PPFIBP1: variants seen among roughly 807,000 people sequenced by gnomAD.
The protein encoded by PPFIBP1 is liprin-beta-1.
A neutral mutation model predicts 137.8 loss-of-function variants in PPFIBP1; 112 were observed. The observed-to-expected ratio is 0.81, with a 90% confidence interval of 0.70 to 0.95. PPFIBP1 has a LOEUF of 0.95. Ranked by LOEUF, PPFIBP1 falls within the 40% of genes least tolerant of loss-of-function variation. The pLI is 0.00. For missense variants in PPFIBP1, 1,083 were observed against 1,196.6 expected (o/e 0.91, Z 1.40); for synonymous variants, 378 against 417.3 (o/e 0.91, Z 1.15).
chr12:27,661,706 A>T (rs908950290), intron 11 of PPFIBP1, among the ~76,000 whole-genome samples: 1 of 152,226 alleles, frequency 6.6e-6, no homozygotes, highest in Admixed American at 6.5e-5. Flanking sequence ...CATTTCAAGG[A>T]AGTAAAAAAC....
chr12:27,661,080 C>T (rs2059516161), intron 11 of PPFIBP1, 135 bp downstream of exon 11: 1 of 1,332,772 alleles, frequency 7.5e-7, no homozygotes. Flanking sequence ...CAGGTGTGCA[C>T]ACTCCCAGGT....
In PPFIBP1 at chr12:27,676,510, C is replaced by G. The variant is rs761746540; in HGVS notation, c.1493C>G (p.Pro498Arg). Residue 498 changes from proline (P) to arginine (R), a missense_variant, in exon 18 of 30, where the codon CCC becomes CGC. Pro to Arg is a moderately radical substitution (Grantham distance 103, BLOSUM62 -2). Transcript: ENST00000228425. ...PGQDTSMDDN[P>R]FGTRKVRSSF... Reference sequence around the variant, plus strand: ...CAGGACACCTCCATGGATGACAACCCCTTCGGCACTCGAAAAGTCAGATCT... The same window carrying G: ...CAGGACACCTCCATGGATGACAACCGCTTCGGCACTCGAAAAGTCAGATCT... The G allele has an allele frequency of 5.6e-6, 9 of 1,609,946 alleles. No homozygotes were observed. The highest frequency in any genetic ancestry group is 3.4e-5 in the Admixed American group (2 of 59,356).
chr12:27,673,494 T>C lies in PPFIBP1; in HGVS notation c.1320-273T>C, dbSNP rs74077231. 1.6e-3 allele frequency among the ~76,000 whole-genome samples: 243 copies of C among 152,322 alleles called. 2 individuals are homozygous for C. Among genetic ancestry groups the C allele is most frequent in the African/African-American group, 5.4e-3 (223 of 41,564 alleles). Reference sequence around the variant, plus strand: ...GAAAACACTGCTTTATTTTCGAATATTGACATCACAAGGCTAGTCCTAAGT... The same window carrying C: ...GAAAACACTGCTTTATTTTCGAATACTGACATCACAAGGCTAGTCCTAAGT... On this transcript the variant is annotated intron_variant, in intron 15 of 29. Transcript: ENST00000228425.
At chr12:27,659,696 C>A (rs2059426462) in intron 10 of PPFIBP1, among the ~76,000 whole-genome samples, 1 of 152,072 alleles carries the variant, frequency 6.6e-6, no homozygotes, top group African/African-American at 2.4e-5. Flanking sequence ...GGGGCTCTTT[C>A]CCCCAGATGT....
At chr12:27,625,201 G>A (rs1229908125) in intron 2 of PPFIBP1, among the ~76,000 whole-genome samples, 2 of 152,122 alleles carry the variant, frequency 1.3e-5, no homozygotes, top group Admixed American at 6.6e-5. Flanking sequence ...AGTGAGCCAT[G>A]TTTGCGCCAC....
At chr12:27,527,907 G>T (rs1240912178) in intron 1 of PPFIBP1, among the ~76,000 whole-genome samples, 1 of 152,048 alleles carries the variant, frequency 6.6e-6, no homozygotes, top group African/African-American at 2.4e-5. Context: ...AAGCTGTTAG[G>T]GTTACTGTCT....
chr12:27,670,347 A>G lies in PPFIBP1; in HGVS notation c.1147-1084A>G, dbSNP rs749054710. Among the ~76,000 whole-genome samples, 70 of 152,244 alleles carry G rather than the reference A, an allele frequency of 4.6e-4. 1 individual carries two copies. The highest frequency in any genetic ancestry group is 5.6e-4 in the Non-Finnish European group (38 of 68,048). On this transcript the variant is annotated intron_variant, in intron 13 of 29. Transcript: ENST00000228425. The stretch of plus-strand genomic sequence containing the variant: ...CAAAGTGTTTTAAGTGGTAGCCACA[A>G]AGTCCATTGTAATTGGTTTTAATTA...
intron 5 of PPFIBP1, among the ~76,000 whole-genome samples, chr12:27,647,509 C>T (rs561555557): frequency 1.6e-4 from 24 of 152,312 alleles, no homozygotes; most frequent in Non-Finnish European, 3.2e-4. Context: ...CTAATCTACA[C>T]GAATTTTCTC....
At position 27,681,734 on chromosome 12, in the gene PPFIBP1, G is replaced by A. The variant is rs779618970; in HGVS notation, c.2046+38G>A. 3 of 1,608,282 alleles carry A rather than the reference G, an allele frequency of 1.9e-6. No homozygotes were observed. The South Asian group carries it at 3.3e-5, about 18-fold the overall frequency. On this transcript the variant is annotated intron_variant, in intron 22 of 29. Transcript: ENST00000228425. ...CTGTTTTGTTCACACAATGGATACT[G>A]AGAAGAAAACAGTATGAATGTAGGG...
At chr12:27,552,239 T>C (rs1488640992) in intron 1 of PPFIBP1, among the ~76,000 whole-genome samples, 1 of 152,228 alleles carries the variant, frequency 6.6e-6, no homozygotes, top group African/African-American at 2.4e-5. Context: ...ACTGATTGCA[T>C]GTCAAAGAGA....
chr12:27,558,743 G>A (rs1224403723), intron 1 of PPFIBP1, among the ~76,000 whole-genome samples: 1 of 152,166 alleles, frequency 6.6e-6, no homozygotes, highest in Non-Finnish European at 1.5e-5. Flanking sequence ...TTCGGAAGTT[G>A]TGTTATCGCA....
chr12:27,587,992 G>A (rs957195807), intron 2 of PPFIBP1, among the ~76,000 whole-genome samples: 1 of 151,888 alleles, frequency 6.6e-6, no homozygotes, highest in African/African-American at 2.4e-5. Flanking sequence ...TGTCTTTTTT[G>A]TGTTTCCTTA....
At chr12:27,678,767 G>A (rs553992573) in intron 19 of PPFIBP1, among the ~76,000 whole-genome samples, 1 of 145,554 alleles carries the variant, frequency 6.9e-6, no homozygotes, top group African/African-American at 2.5e-5. Flanking sequence ...CTGAGGCAGA[G>A]AATTGCTTGA....
intron 5 of PPFIBP1, 107 bp downstream of exon 5, chr12:27,646,255 A>G (rs1167827509): frequency 1.2e-6 from 1 of 804,952 alleles, no homozygotes; most frequent in East Asian, 2.8e-5. Context: ...GCTAATAGAA[A>G]TAAGCCTGAT....
Position 27,691,764 on chromosome 12 carries a change from T to C in PPFIBP1, c.2701T>C (p.Phe901Leu), listed in dbSNP as rs761827358. The change falls in exon 28 of 30, where the codon TTT (phenylalanine) becomes CTT (leucine). Residue 901 changes from phenylalanine (F) to leucine (L), a missense_variant. Phe to Leu is a conservative substitution (Grantham distance 22). Coordinates refer to ENST00000228425, the MANE Select transcript of PPFIBP1 (RefSeq NM_003622.4). ...TCTTTTAAAGCCAAAGAAACTTGCC[T>C]TTAGCAATTTTGGGAATTTGAGAAA... ...TAKVKPKKLA[F>L]SNFGNLRKKK... is the part of the protein sequence containing the mutation. 2 of 1,609,690 alleles carry C rather than the reference T, an allele frequency of 1.2e-6. No homozygotes were observed. Among genetic ancestry groups the C allele is most frequent in the Non-Finnish European group, 1.7e-6 (2 of 1,178,392 alleles).
chr12:27,587,956 C>CTCTTTTATGAACTCTCTTGTCTCCCTG (rs2051988392), intron 2 of PPFIBP1, among the ~76,000 whole-genome samples: 8 of 152,200 alleles, frequency 5.3e-5, no homozygotes, highest in Non-Finnish European at 1.2e-4. Context: ...TTTCTTTCAT[C>CTCTTTTATGAACTCTCTTGTCTCCCTG]TCTTTTATGA....
chr12:27,635,435 A>G (rs565968394), intron 4 of PPFIBP1: 69 of 489,444 alleles, frequency 1.4e-4, no homozygotes, highest in African/African-American at 1.2e-3. Context: ...CACATGATAG[A>G]TGATTTCTCA....
intron 13 of PPFIBP1, among the ~76,000 whole-genome samples, chr12:27,668,752 G>A (rs2060011247): frequency 6.6e-6 from 1 of 152,148 alleles, no homozygotes; most frequent in Non-Finnish European, 1.5e-5. Context: ...GGCTGCAGTG[G>A]GACATCCCAT....
At chr12:27,581,259 T>C (rs10842940) in intron 2 of PPFIBP1, among the ~76,000 whole-genome samples, 70,137 of 152,048 alleles carry the variant, frequency 0.46, 16,982 homozygotes, top group Non-Finnish European at 0.55. Flanking sequence ...CCTAAGAGTG[T>C]AAGCAACACC....
Sources: allele counts gnomAD v4.1 joint callset (sites outside exome capture counted in the v4.1 genomes callset), GRCh38; gene constraint gnomAD v4.1.1; transcripts MANE v1.5; gene names NCBI Gene and HGNC (gene_info 2026-07-23, HGNC 2026-07-21).